Variants in CANX observed in about 807,000 individuals in gnomAD.
The protein encoded by CANX is epididymis secretory sperm binding protein.
CANX carries 14 observed loss-of-function variants against 75.7 expected under a neutral mutation model. That is an observed-to-expected ratio of 0.19 (90% CI 0.12 to 0.29). The LOEUF (loss-of-function observed/expected upper bound fraction) is 0.29, where lower values mean the gene tolerates loss of function less well. Among genes scored for constraint, CANX ranks in the 10% least tolerant of loss-of-function variants. The probability of loss-of-function intolerance (pLI) is 1.00; values close to 1 mark genes in which losing one functional copy is unlikely to be tolerated. For missense variants in CANX, 567 were observed against 713.2 expected, an observed-to-expected ratio of 0.79 and a Z score of 2.34; for synonymous variants, 227 against 236.9, an observed-to-expected ratio of 0.96 and a Z score of 0.38.
intron 1 of CANX, among the ~76,000 whole-genome samples, chr5:179,702,753 T>C (rs1376789502): frequency 6.6e-6 from 1 of 152,062 alleles, no homozygotes; most frequent in Non-Finnish European, 1.5e-5. Flanking sequence ...AATGCAGTGG[T>C]GCCATTACAG....
rs1316625503 is a variant in CANX, at chr5:179,726,717, C to T, written c.1683C>T (p.Gly561=). 1 of 1,613,690 alleles carries T rather than the reference C, an allele frequency of 6.2e-7. No homozygotes were observed. The highest frequency in any genetic ancestry group is 8.5e-7 in the Non-Finnish European group (1 of 1,179,646). ...AAAGTGATGCTGAAGAAGATGGTGG[C>T]ACTGTCAGTCAAGAGGAGGAAGACA... ...KQKSDAEEDG[G]TVSQEEEDRK... Residue 561 remains glycine, a synonymous_variant, in exon 14 of 15, where the codon GGC becomes GGT. Coordinates refer to ENST00000247461, the MANE Select transcript of CANX (RefSeq NM_001746.4).
chr5:179,684,924 G>A (rs1456905281), intron 1 of CANX, among the ~76,000 whole-genome samples: 1 of 28,984 alleles, frequency 3.5e-5, no homozygotes, highest in African/African-American at 1.1e-4. Flanking sequence ...GGCTAATTTT[G>A]TATTTTTTTT....
chr5:179,722,203 A>AC (rs1778357060), intron 10 of CANX, among the ~76,000 whole-genome samples: 1 of 152,162 alleles, frequency 6.6e-6, no homozygotes, highest in South Asian at 2.1e-4. Context: ...GGTGGCACAC[A>AC]CCTGTAGTCC....
intron 4 of CANX, among the ~76,000 whole-genome samples, chr5:179,707,452 C>A (rs1777211550): frequency 6.6e-6 from 1 of 152,010 alleles, no homozygotes. Flanking sequence ...GGCGTGGCAG[C>A]GTGCATCTGT....
chr5:179,694,762 T>A, upstream of CANX: 1 of 595,864 alleles, frequency 1.7e-6, no homozygotes, highest in South Asian at 1.8e-5. Flanking sequence ...AGGAGGAGGA[T>A]GAATAAACAA....
In CANX at chr5:179,731,256, A is replaced by G. The variant is rs1190340099; in HGVS notation, c.*2612A>G. On this transcript the variant is annotated 3_prime_UTR_variant, in exon 15 of 15. Transcript: ENST00000247461. The stretch of plus-strand genomic sequence containing the variant: ...CTTAGGGGAACCATTGAACTTTGAA[A>G]TTTTTATTAGAAAATTATTTGTTCA... Among the ~76,000 whole-genome samples the G allele has an allele frequency of 1.3e-5, 2 of 152,196 alleles. No individual in the cohort carries two copies. Among genetic ancestry groups the G allele is most frequent in the Non-Finnish European group, 2.9e-5 (2 of 68,034 alleles).
At position 179,716,133 on chromosome 5, in the gene CANX, A is replaced by C. The variant is rs1777934699; in HGVS notation, c.750A>C (p.Ile250=). 6.2e-7 allele frequency: 1 copy of C among 1,611,558 alleles called. No homozygotes were observed. Among genetic ancestry groups the C allele is most frequent in the South Asian group, 1.1e-5 (1 of 90,886 alleles). The part of the protein sequence containing the change: ...LILNPDNSFE[I]LVDQSVVNSG... ...TGAATCCAGATAATAGTTTTGAAAT[A>C]CTGGTTGACCAATCTGTGGTGAATA... Residue 250 remains isoleucine (I), a synonymous_variant, in exon 8 of 15, where the codon ATA becomes ATC. Coordinates refer to ENST00000247461, the MANE Select transcript of CANX (RefSeq NM_001746.4).
At chr5:179,694,351 AAG>A (rs1776352977), upstream of CANX, 1 of 569,194 alleles carries the variant, frequency 1.8e-6, no homozygotes, top group Admixed American at 2.8e-5. Flanking sequence ...ATGTCCGGGA[AAG>A]AGAAGTCTAA....
chr5:179,695,275 G>T (rs185316615), upstream of CANX, among the ~76,000 whole-genome samples: 933 of 151,976 alleles, frequency 6.1e-3, 9 homozygotes, highest in African/African-American at 0.021. Context: ...TAGCCAGGAT[G>T]GTCTCGATCT....
intron 1 of CANX, among the ~76,000 whole-genome samples, chr5:179,689,384 T>TTTTG (rs1439869076): frequency 7.1e-6 from 1 of 141,072 alleles, no homozygotes; most frequent in African/African-American, 2.6e-5. Flanking sequence ...AACAAGTTTT[T>TTTTG]TTTTTTTTTT....
At chr5:179,686,102 C>CTT (rs757104413) in intron 1 of CANX, among the ~76,000 whole-genome samples, 5 of 128,620 alleles carry the variant, frequency 3.9e-5, no homozygotes, top group African/African-American at 1.1e-4. Context: ...TTGTTCAAGT[C>CTT]TTTTTTTTTT....
chr5:179,687,614 C>A (rs892821987), intron 1 of CANX, among the ~76,000 whole-genome samples: 2 of 152,180 alleles, frequency 1.3e-5, no homozygotes, highest in Non-Finnish European at 2.9e-5. Context: ...CATGAAGACA[C>A]TCAAGAGCTT....
chr5:179,692,928 C>T (rs1362463740), intron 1 of CANX, among the ~76,000 whole-genome samples: 1 of 151,784 alleles, frequency 6.6e-6, no homozygotes, highest in Non-Finnish European at 1.5e-5. Flanking sequence ...GGGTGGATCA[C>T]GAGGTCAGGA....
chr5:179,696,037 G>A (rs192443943), upstream of CANX, among the ~76,000 whole-genome samples: 12 of 151,118 alleles, frequency 7.9e-5, 1 homozygote, highest in East Asian at 2.2e-3. Flanking sequence ...CTCCCACCTC[G>A]GCCTCCTGAG....
intron 8 of CANX, among the ~76,000 whole-genome samples, chr5:179,718,089 C>T (rs1273912619): frequency 1.3e-5 from 2 of 152,196 alleles, no homozygotes; most frequent in Non-Finnish European, 2.9e-5. Flanking sequence ...ACTGCAGCTT[C>T]CACTTTCTGG....
rs955052468 is a variant in CANX, at chr5:179,724,506, C to T, written c.1519-151C>T. 2.5e-5 allele frequency: 15 copies of T among 611,690 alleles called. No homozygotes were observed. The East Asian group carries it at 2.9e-4, about 12-fold the overall frequency. 37.9% of individuals were successfully genotyped at this position (611,690 alleles called of 1,614,324 possible). A position where few individuals can be genotyped will look rare whatever the true frequency, so the allele number is the denominator to read the frequency against. ...ATGTGCATACACACACGTACATACACGCTCTTCAGGGTAGGAATTACATCC... is the reference window on the plus strand; with the variant it reads ...ATGTGCATACACACACGTACATACATGCTCTTCAGGGTAGGAATTACATCC... On this transcript the variant is annotated intron_variant, in intron 12 of 14. Transcript: ENST00000247461.
At chr5:179,712,703 C>T (rs1334323041) in intron 7 of CANX, among the ~76,000 whole-genome samples, 2 of 148,170 alleles carry the variant, frequency 1.3e-5, no homozygotes, top group East Asian at 2.1e-4. Flanking sequence ...GGGTTATAGG[C>T]GTGAGCCACC....
chr5:179,726,870 T>A, intron 14 of CANX, 111 bp downstream of exon 14: 1 of 721,166 alleles, frequency 1.4e-6, no homozygotes, highest in Non-Finnish European at 2.4e-6. Flanking sequence ...AAAATTCTGT[T>A]AAAGCCAATT....
At chr5:179,710,933 G>T (rs557104923) in intron 7 of CANX, among the ~76,000 whole-genome samples, 1,710 of 151,912 alleles carry the variant, frequency 0.011, 20 homozygotes, top group Non-Finnish European at 0.019. Context: ...AGTAGCTGGT[G>T]TAATCCTAGC....
Sources: gnomAD v4.1 joint callset for allele counts (sites outside exome capture counted in the v4.1 genomes callset) on GRCh38, gnomAD v4.1.1 for gene constraint, MANE v1.5 for transcripts, NCBI Gene and HGNC (gene_info 2026-07-23, HGNC 2026-07-21) for gene names.